The following POLR1A variants were observed in gnomAD, a reference collection of about 807,000 sequenced individuals.
POLR1A encodes DNA-directed RNA polymerase I subunit RPA1.
In POLR1A, 84 loss-of-function variants were observed where a neutral mutation model predicts 205.3. The observed-to-expected ratio is 0.41, with a 90% CI of 0.34 to 0.49. The LOEUF (loss-of-function observed/expected upper bound fraction) is 0.49, where lower values mean the gene tolerates loss of function less well. Among genes scored for constraint, POLR1A ranks in the 20% least tolerant of loss-of-function variants. POLR1A has a pLI of 0.22. For synonymous variants in POLR1A, 799 were observed against 863.7 expected (o/e 0.93, Z 1.31); for missense variants, 1,645 against 2,204.5 (o/e 0.75, Z 5.08).
In POLR1A at chr2:86,070,399, G is replaced by C. The variant is rs1457140002; in HGVS notation, c.1612-127C>G. 9.7e-7 allele frequency: 1 copy of C among 1,026,740 alleles called. No individual in the cohort carries two copies. Among genetic ancestry groups the C allele is most frequent in the Non-Finnish European group, 1.4e-6 (1 of 710,530 alleles). The allele number at this position is 1,026,740 out of a possible 1,614,324, so 63.6% of individuals were successfully genotyped here. Reference sequence around the variant, plus strand: ...TCACGTTCTAGTTAACTAAATGCAAGGGGAATTTTTCATCTGGAGCAAAAC... The same window carrying C: ...TCACGTTCTAGTTAACTAAATGCAACGGGAATTTTTCATCTGGAGCAAAAC... On this transcript the variant is annotated intron_variant, in intron 12 of 33. Coordinates refer to ENST00000263857, the MANE Select transcript of POLR1A (RefSeq NM_015425.6). The surrounding 1 kb of genome is among the most constrained non-coding windows in gnomAD (Gnocchi z 4.4).
At chr2:86,092,882 A>G (rs990958768) in intron 3 of POLR1A, among the ~76,000 whole-genome samples, 7 of 152,060 alleles carry the variant, frequency 4.6e-5, no homozygotes, top group Non-Finnish European at 4.4e-5. Context: ...TCTAGATACC[A>G]AAACCCAAAA....
In POLR1A at chr2:86,080,819, A is replaced by T; in HGVS notation, c.1083T>A (p.Asp361Glu). 6.2e-7 allele frequency: 1 copy of T among 1,610,486 alleles called. No homozygotes were observed. Among genetic ancestry groups the T allele is most frequent in the Non-Finnish European group, 8.5e-7 (1 of 1,177,986 alleles). The change falls in exon 9 of 34, where the codon GAT becomes GAA. Residue 361 changes from aspartate (D) to glutamate (E), a missense_variant. Physicochemically the swap from Asp to Glu is conservative, Grantham distance 45. Transcript: ENST00000263857. ...TCAGCAACAGAGCAGCCCTGACCTCATCTGTAGTGGGTGTGGCCACTTCCT... is the reference window on the plus strand; with the variant it reads ...TCAGCAACAGAGCAGCCCTGACCTCTTCTGTAGTGGGTGTGGCCACTTCCT... The part of the protein sequence containing the change: ...LPEEVATPTT[D>E]EEKDSLIAID...
At chr2:86,081,565 T>A (rs374180358) in intron 8 of POLR1A, 36 bp downstream of exon 8, 4 of 1,367,878 alleles carry the variant, frequency 2.9e-6, no homozygotes, top group Admixed American at 2.0e-5. Context: ...TAGTACGCTT[T>A]TTTTCAGGTG....
Position 86,076,269 on chromosome 2 carries a change from G to A in POLR1A, c.1381-1009C>T, listed in dbSNP as rs374740896. The stretch of plus-strand genomic sequence containing the variant: ...ACTTGTCTAGCTTTGTACAGGTCCC[G>A]CGCAGCAACACTTTCTCAGAAGGCT... On this transcript the variant is annotated intron_variant, in intron 11 of 33. Coordinates refer to ENST00000263857, the MANE Select transcript of POLR1A (RefSeq NM_015425.6). Among the ~76,000 whole-genome samples the A allele has an allele frequency of 5.7e-4, 87 of 152,146 alleles. 1 individual carries two copies. The highest frequency in any genetic ancestry group is 2.1e-4 in the South Asian group (1 of 4,834).
chr2:86,028,727 A>G lies in POLR1A; in HGVS notation c.4780-16T>C. The G allele has an allele frequency of 6.3e-7, 1 of 1,595,802 alleles. No homozygotes were observed. Among genetic ancestry groups the G allele is most frequent in the Admixed American group, 1.7e-5 (1 of 59,962 alleles). On this transcript the variant is annotated splice_polypyrimidine_tract_variant and intron_variant, in intron 31 of 33. Transcript: ENST00000263857. The surrounding 1 kb of genome is among the most constrained non-coding windows in gnomAD (Gnocchi z 4.5). The stretch of plus-strand genomic sequence containing the variant: ...GATCCAGGACCTGGAGAGAGGAAGG[A>G]AGGGATTTATTTAGAGGGCCTGGCC...
chr2:86,028,117 C>G lies in POLR1A; in HGVS notation c.4898-68G>C. 1 of 1,479,102 alleles carries G rather than the reference C, an allele frequency of 6.8e-7. No homozygotes were observed. Among genetic ancestry groups the G allele is most frequent in the Admixed American group, 1.7e-5 (1 of 59,470 alleles). 91.6% of individuals were successfully genotyped at this position (1,479,102 alleles called of 1,614,324 possible). On this transcript the variant is annotated intron_variant, in intron 32 of 33. Transcript: ENST00000263857. This position sits in a 1 kb window ranked among gnomAD's most constrained non-coding sequence, Gnocchi z 4.5. ...CACGGGAGCAGTCAGCAGACACAAGCCAAGCTGCCTCCACATCAGCACATG... is the reference window on the plus strand; with the variant it reads ...CACGGGAGCAGTCAGCAGACACAAGGCAAGCTGCCTCCACATCAGCACATG...
chr2:86,030,489 C>G, intron 30 of POLR1A, 93 bp from the exon 31 acceptor site: 1 of 903,416 alleles, frequency 1.1e-6, no homozygotes, highest in Non-Finnish European at 1.8e-6. Context: ...TTTTCAGGAA[C>G]TCCCTGGCTG....
chr2:86,057,202 A>C (rs1672912091), intron 14 of POLR1A, among the ~76,000 whole-genome samples: 2 of 152,322 alleles, frequency 1.3e-5, no homozygotes. Flanking sequence ...TCCAACCCTT[A>C]AGTATGACTT....
chr2:86,049,626 A>C (rs1361612129), intron 16 of POLR1A, among the ~76,000 whole-genome samples: 1 of 152,192 alleles, frequency 6.6e-6, no homozygotes, highest in Non-Finnish European at 1.5e-5. Flanking sequence ...GGATGAAAAG[A>C]TAAGCTCAGG....
Position 86,047,269 on chromosome 2 carries a change from G to A in POLR1A, c.2635-6C>T, listed in dbSNP as rs2104394113. 1 of 1,595,052 alleles carries A rather than the reference G, an allele frequency of 6.3e-7. No homozygotes were observed. The highest frequency in any genetic ancestry group is 1.1e-5 in the South Asian group (1 of 90,680). On this transcript the variant is annotated splice_region_variant and splice_polypyrimidine_tract_variant and intron_variant, in intron 18 of 33. Transcript: ENST00000263857. ...AGGCCAAAAGGCATGCATGCCTGCA[G>A]ATTAAATCAGCACAGTGGTCAGTGA...
intron 27 of POLR1A, among the ~76,000 whole-genome samples, chr2:86,035,027 T>G (rs2104383821): frequency 6.6e-6 from 1 of 152,236 alleles, no homozygotes; most frequent in East Asian, 1.9e-4. Context: ...TGCACCACCA[T>G]GCCCGACTAA....
intron 1 of POLR1A, 24 bp from the exon 2 acceptor site, chr2:86,100,196 A>G (rs1303040830): frequency 3.2e-6 from 5 of 1,584,130 alleles, no homozygotes; most frequent in Non-Finnish European, 4.3e-6. Context: ...AAAGACCAAG[A>G]GGAAAGCTAA....
chr2:86,089,131 A>G (rs531144441), intron 4 of POLR1A, among the ~76,000 whole-genome samples: 5 of 152,250 alleles, frequency 3.3e-5, no homozygotes, highest in Admixed American at 3.3e-4. Flanking sequence ...TAAGACAAAG[A>G]ATCATGAATG....
At position 86,070,701 on chromosome 2, in the gene POLR1A, C is replaced by T. The variant is rs575525965; in HGVS notation, c.1612-429G>A. Among the ~76,000 whole-genome samples the T allele has an allele frequency of 1.9e-3, 205 of 108,608 alleles. 2 individuals are homozygous for T. Among genetic ancestry groups the T allele is most frequent in the African/African-American group, 7.5e-3 (195 of 26,158 alleles). The allele number at this position is 108,608 out of a possible 152,430, so 71.3% of individuals were successfully genotyped here. ...GCATTGGCAGACTTTCGAATCCCCC[C>T]CCCGCCGTGATCACATGTGAGTACA... On this transcript the variant is annotated intron_variant, in intron 12 of 33. Transcript: ENST00000263857. The surrounding 1 kb of genome is among the most constrained non-coding windows in gnomAD (Gnocchi z 4.4).
At chr2:86,039,956 C>G (rs1263390448) in intron 25 of POLR1A, 1 of 196,932 alleles carries the variant, frequency 5.1e-6, no homozygotes, top group Non-Finnish European at 1.0e-5. Flanking sequence ...GCAGATGGGT[C>G]TGACCCCACA....
At chr2:86,045,470 C>G in intron 20 of POLR1A, 110 bp from the exon 21 acceptor site, 2 of 1,242,276 alleles carry the variant, frequency 1.6e-6, no homozygotes, top group Non-Finnish European at 2.3e-6. Context: ...AGGCCACTCC[C>G]TTCCCTGATC....
chr2:86,039,112 A>C (rs1672552633), intron 26 of POLR1A, among the ~76,000 whole-genome samples: 1 of 152,078 alleles, frequency 6.6e-6, no homozygotes, highest in Non-Finnish European at 1.5e-5. Flanking sequence ...GAAATGGTTT[A>C]TTTTTCAGGC....
chr2:86,084,138 C>T (rs527828959), intron 6 of POLR1A, among the ~76,000 whole-genome samples: 86 of 152,222 alleles, frequency 5.6e-4, no homozygotes, highest in African/African-American at 1.9e-3. Flanking sequence ...TGGTGGTGGA[C>T]GCCTGTAGTC....
chr2:86,055,802 C>A lies in POLR1A; in HGVS notation c.2059-1513G>T, dbSNP rs149555814. On this transcript the variant is annotated intron_variant, in intron 14 of 33. Coordinates refer to ENST00000263857, the MANE Select transcript of POLR1A (RefSeq NM_015425.6). ...GTCACCAACCTAATAAAGGGAGGCA[C>A]CTATGAAAAACCTACTACTAACATG... 1.5e-3 allele frequency among the ~76,000 whole-genome samples: 232 copies of A among 152,312 alleles called. 2 individuals are homozygous for A. The highest frequency in any genetic ancestry group is 5.4e-3 in the African/African-American group (224 of 41,560).
Sources: gnomAD v4.1 joint callset for allele counts (sites outside exome capture counted in the v4.1 genomes callset) on GRCh38, gnomAD v4.1.1 for gene constraint, Gnocchi (gnomAD v3.1) non-coding constraint, MANE v1.5 for transcripts, NCBI Gene and HGNC (gene_info 2026-07-23, HGNC 2026-07-21) for gene names.